ACOXL: variants seen among roughly 807,000 people sequenced by gnomAD.
The protein encoded by ACOXL is acyl-coenzyme A oxidase-like protein.
ACOXL carries 70 observed loss-of-function variants against 71.9 expected under a neutral mutation model. That is an observed-to-expected ratio of 0.97 (90% CI 0.80 to 1.19). The LOEUF (loss-of-function observed/expected upper bound fraction) is 1.19. Ranked by LOEUF, ACOXL falls within the 50% of genes most tolerant of loss-of-function variation. The pLI is 0.00. For synonymous variants in ACOXL, 253 were observed against 281.6 expected (o/e 0.90, Z 1.02); for missense variants, 703 against 736.3 (o/e 0.95, Z 0.52).
rs1194636484 is a variant in ACOXL, at chr2:111,117,614, A to C, written c.1543-2A>C. 6.4e-7 allele frequency: 1 copy of C among 1,551,758 alleles called. No individual in the cohort carries two copies. The highest frequency in any genetic ancestry group is 1.2e-5 in the South Asian group (1 of 84,064). On this transcript the variant is annotated splice_acceptor_variant, in intron 17 of 17. Transcript: ENST00000439055. LOFTEE classifies it high-confidence loss of function. ...CCTGTCCCATTGTGTTGTGTTTTGC[A>C]GTTGCTGGATTTGTGCGACTCGGTG...
At chr2:110,828,413 CTT>C (rs1207620657) in intron 9 of ACOXL, among the ~76,000 whole-genome samples, 1 of 152,174 alleles carries the variant, frequency 6.6e-6, no homozygotes, top group Admixed American at 6.5e-5. Flanking sequence ...TGTCATGACT[CTT>C]TAATACATGT....
chr2:111,055,333 G>GT (rs1347787966), intron 16 of ACOXL, among the ~76,000 whole-genome samples: 1 of 152,218 alleles, frequency 6.6e-6, no homozygotes, highest in Admixed American at 6.5e-5. Flanking sequence ...GTGAGGTGGG[G>GT]TTTTTCCCTC....
chr2:111,042,667 G>T (rs984397181), intron 15 of ACOXL, among the ~76,000 whole-genome samples: 1 of 152,216 alleles, frequency 6.6e-6, no homozygotes, highest in Admixed American at 6.5e-5. Context: ...AGGGTGGGTC[G>T]TGAGGTGTGC....
chr2:110,768,572 A>AG, intron 2 of ACOXL, 108 bp downstream of exon 2: 1 of 1,018,380 alleles, frequency 9.8e-7, no homozygotes, highest in Non-Finnish European at 1.5e-6. Flanking sequence ...TTATGTTTAG[A>AG]GGGTATATGT....
At chr2:110,753,664 A>G (rs1161895027) in intron 1 of ACOXL, among the ~76,000 whole-genome samples, 3 of 152,244 alleles carry the variant, frequency 2.0e-5, no homozygotes, top group East Asian at 3.8e-4. Context: ...ATTATGAATA[A>G]AGCTGATAAG....
chr2:110,867,989 C>T (rs1476000864), intron 10 of ACOXL, among the ~76,000 whole-genome samples: 1 of 152,020 alleles, frequency 6.6e-6, no homozygotes, highest in East Asian at 1.9e-4. Flanking sequence ...TCTTGAACTC[C>T]TGACCTCGTG....
In ACOXL at chr2:110,841,657, G is replaced by A. The variant is rs141173293; in HGVS notation, c.788+252G>A. ...CAAACAAAAAAAGGGATATTCTAGG[G>A]CATGACACAGAAGCACTATCTGGGT... is the stretch of plus-strand genomic sequence containing the variant. On this transcript the variant is annotated intron_variant, in intron 10 of 17. Coordinates refer to ENST00000439055, the MANE Select transcript of ACOXL (RefSeq NM_001142807.4). Among the ~76,000 whole-genome samples the A allele has an allele frequency of 3.3e-5, 5 of 152,298 alleles. No homozygotes were observed. In the South Asian group the frequency reaches 8.3e-4, roughly 25 times the overall value.
At position 110,784,802 on chromosome 2, in the gene ACOXL, C is replaced by T; in HGVS notation, c.146C>T (p.Ala49Val). The stretch of plus-strand genomic sequence containing the variant: ...GAAGTCCTCTCCATGGCGGACATGG[C>T]CACAGGAGTGAAGGTGAGAGGCGCC... ...IGEVLSMADM[A>V]TGVKCGIIYW... The change falls in exon 3 of 18, where the codon GCC (alanine) becomes GTC (valine). Residue 49 changes from alanine to valine, a missense_variant. Physicochemically the swap from Ala to Val is moderately conservative, Grantham distance 64. Coordinates refer to ENST00000439055, the MANE Select transcript of ACOXL (RefSeq NM_001142807.4). 1 of 1,604,738 alleles carries T rather than the reference C, an allele frequency of 6.2e-7. No individual in the cohort carries two copies. Among genetic ancestry groups the T allele is most frequent in the Non-Finnish European group, 8.5e-7 (1 of 1,176,948 alleles).
At chr2:110,931,658 A>C (rs1452661801) in intron 11 of ACOXL, among the ~76,000 whole-genome samples, 1 of 152,210 alleles carries the variant, frequency 6.6e-6, no homozygotes, top group Non-Finnish European at 1.5e-5. Flanking sequence ...CAGTTTTCCC[A>C]ACAACTCTAT....
Position 110,933,537 on chromosome 2 carries a change from G to A in ACOXL, c.954G>A (p.Leu318=). The part of the protein sequence containing the change: ...LDEDVFQGKE[L]VNSRSLQALV... ...AGGATGTCTTCCAGGGAAAGGAGCT[G>A]GTCAACAGTCGCTCGCTGCAGGCTC... Residue 318 remains leucine (L), a synonymous_variant, in exon 12 of 18, where the codon CTG becomes CTA. Coordinates refer to ENST00000439055, the MANE Select transcript of ACOXL (RefSeq NM_001142807.4). 6.2e-7 allele frequency: 1 copy of A among 1,614,222 alleles called. No individual in the cohort carries two copies. Among genetic ancestry groups the A allele is most frequent in the African/African-American group, 1.3e-5 (1 of 75,070 alleles).
chr2:110,845,980 T>C (rs1438945000), intron 10 of ACOXL, among the ~76,000 whole-genome samples: 1 of 152,166 alleles, frequency 6.6e-6, no homozygotes, highest in Admixed American at 6.5e-5. Context: ...ATGGTAACTC[T>C]AAGTTTAAGT....
intron 16 of ACOXL, among the ~76,000 whole-genome samples, chr2:111,066,773 A>C (rs2067092243): frequency 6.6e-6 from 1 of 152,104 alleles, no homozygotes; most frequent in Non-Finnish European, 1.5e-5. Context: ...AATTCAAGAC[A>C]ATAAAAATTA....
intron 11 of ACOXL, among the ~76,000 whole-genome samples, chr2:110,917,604 A>G (rs1445046026): frequency 6.6e-6 from 1 of 152,230 alleles, no homozygotes; most frequent in Non-Finnish European, 1.5e-5. Flanking sequence ...GGAAGAGAGG[A>G]AGTCAAATTG....
chr2:110,935,004 C>T (rs72944241), intron 12 of ACOXL, among the ~76,000 whole-genome samples: 7,930 of 152,226 alleles, frequency 0.052, 545 homozygotes, highest in East Asian at 0.2. Flanking sequence ...TGGTTTCTAC[C>T]TGCATCTCCA....
At chr2:110,778,677 C>T (rs1559249505) in intron 2 of ACOXL, among the ~76,000 whole-genome samples, 2 of 152,166 alleles carry the variant, frequency 1.3e-5, no homozygotes, top group African/African-American at 2.4e-5. Flanking sequence ...ATGGGAGGCT[C>T]AAATGGCATA....
At chr2:110,861,000 C>G (rs999374858) in intron 10 of ACOXL, among the ~76,000 whole-genome samples, 1 of 152,138 alleles carries the variant, frequency 6.6e-6, no homozygotes, top group African/African-American at 2.4e-5. Context: ...GCCTGTAATC[C>G]CAGCTACTCG....
chr2:110,791,440 A>G (rs1158367329), intron 3 of ACOXL, among the ~76,000 whole-genome samples: 1 of 152,242 alleles, frequency 6.6e-6, no homozygotes, highest in Non-Finnish European at 1.5e-5. Flanking sequence ...TTAGAGGTGG[A>G]AAACCTAACT....
intron 17 of ACOXL, among the ~76,000 whole-genome samples, chr2:111,109,195 A>G (rs1349873404): frequency 6.6e-6 from 1 of 152,204 alleles, no homozygotes; most frequent in African/African-American, 2.4e-5. Flanking sequence ...TTCTTTCATT[A>G]ACACAGTTTG....
chr2:110,870,784 T>C (rs1695179222), intron 10 of ACOXL, among the ~76,000 whole-genome samples: 1 of 152,214 alleles, frequency 6.6e-6, no homozygotes, highest in Non-Finnish European at 1.5e-5. Context: ...CAAAATCAGT[T>C]TCCTGTCTCA....
Sources: allele counts gnomAD v4.1 joint callset (sites outside exome capture counted in the v4.1 genomes callset), GRCh38; gene constraint gnomAD v4.1.1; transcripts MANE v1.5; gene names NCBI Gene and HGNC (gene_info 2026-07-23, HGNC 2026-07-21).